Variants in PEX7 observed in about 807,000 individuals in gnomAD.
The protein encoded by PEX7 is PTS2 receptor.
Under a neutral mutation model 47.5 loss-of-function variants are expected in PEX7, and 34 were observed. The observed-to-expected ratio is 0.72, with a 90% CI of 0.54 to 0.95. The LOEUF (loss-of-function observed/expected upper bound fraction) is 0.95. Among genes scored for constraint, PEX7 ranks in the 40% least tolerant of loss-of-function variants. PEX7 has a pLI of 0.00. For missense variants in PEX7, 394 were observed against 400.3 expected, an observed-to-expected ratio of 0.98 and a Z score of 0.13; for synonymous variants, 141 against 148.8, an observed-to-expected ratio of 0.95 and a Z score of 0.38.
chr6:136,826,240 C>T, intron 2 of PEX7, 79 bp from the exon 3 acceptor site: 1 of 1,482,066 alleles, frequency 6.7e-7, no homozygotes, highest in Non-Finnish European at 9.4e-7. Context: ...GAAAAAAAAC[C>T]ATAATTGTTA....
intron 9 of PEX7, among the ~76,000 whole-genome samples, chr6:136,907,749 T>G (rs536359452): frequency 1.4e-4 from 22 of 152,278 alleles, no homozygotes; most frequent in Admixed American, 2.6e-4. Context: ...ATAAGTTACC[T>G]TATCAGTTGC....
intron 3 of PEX7, 95 bp from the exon 4 acceptor site, chr6:136,845,520 A>C: frequency 1.3e-6 from 1 of 772,748 alleles, no homozygotes; most frequent in Non-Finnish European, 2.4e-6. Context: ...ATAGTAAATT[A>C]GTTGTTCTGC....
At chr6:136,835,381 C>T (rs576513360) in intron 3 of PEX7, among the ~76,000 whole-genome samples, 1 of 151,972 alleles carries the variant, frequency 6.6e-6, no homozygotes, top group South Asian at 2.1e-4. Flanking sequence ...TTCCACCTCC[C>T]GGGTTCAAGC....
At chr6:136,882,642 C>T (rs1040514063) in intron 8 of PEX7, among the ~76,000 whole-genome samples, 2 of 152,112 alleles carry the variant, frequency 1.3e-5, no homozygotes, top group Admixed American at 1.3e-4. Flanking sequence ...TGTACCTCTT[C>T]ATTCCTCCTG....
chr6:136,869,839 C>A, intron 6 of PEX7, 51 bp from the exon 7 acceptor site: 1 of 1,326,416 alleles, frequency 7.5e-7, no homozygotes, highest in Middle Eastern at 1.8e-4. Flanking sequence ...AGCCTGCATA[C>A]TGTTTAATTG....
At chr6:136,869,533 G>A (rs1208383550) in intron 6 of PEX7, among the ~76,000 whole-genome samples, 1 of 152,132 alleles carries the variant, frequency 6.6e-6, no homozygotes, top group African/African-American at 2.4e-5. Flanking sequence ...CTTTTGAAGA[G>A]AAAGCTGGGC....
At chr6:136,899,976 C>T (rs906034422) in intron 9 of PEX7, among the ~76,000 whole-genome samples, 2 of 152,156 alleles carry the variant, frequency 1.3e-5, no homozygotes, top group Non-Finnish European at 2.9e-5. Flanking sequence ...TATGGCACCC[C>T]AAACAAAGGA....
At chr6:136,872,297 C>T (rs753658216) in intron 8 of PEX7, 44 bp downstream of exon 8, 3 of 1,481,012 alleles carry the variant, frequency 2.0e-6, no homozygotes, top group African/African-American at 2.8e-5. Context: ...TACCAGGTAA[C>T]ATTTGCATCT....
At chr6:136,856,639 T>C (rs1774867201) in intron 5 of PEX7, among the ~76,000 whole-genome samples, 1 of 152,226 alleles carries the variant, frequency 6.6e-6, no homozygotes, top group Admixed American at 6.5e-5. Context: ...GTGAGGGGGA[T>C]ACAATATTTT....
chr6:136,903,762 C>T (rs74785212), intron 9 of PEX7, among the ~76,000 whole-genome samples: 11 of 151,724 alleles, frequency 7.3e-5, no homozygotes, highest in Middle Eastern at 3.4e-3. Context: ...TGGGTGCAAA[C>T]GATCCTCCCA....
chr6:136,846,108 T>C lies in PEX7; in HGVS notation c.453T>C (p.Phe151=), dbSNP rs1256711018. The C allele has an allele frequency of 6.2e-7, 1 of 1,613,388 alleles. No individual in the cohort carries two copies. The highest frequency in any genetic ancestry group is 1.7e-5 in the Admixed American group (1 of 60,004). The change falls in exon 5 of 10, where the codon TTT becomes TTC. Residue 151 remains phenylalanine, a synonymous_variant. Transcript: ENST00000318471. ...CTGTTGGAAAGTCTCTGTGCACCTTTAGAGGCCATGAAAGTATTATTTATA... is the reference window on the plus strand; with the variant it reads ...CTGTTGGAAAGTCTCTGTGCACCTTCAGAGGCCATGAAAGTATTATTTATA... ...DPTVGKSLCT[F]RGHESIIYST...
At chr6:136,833,696 A>G (rs189489868) in intron 3 of PEX7, among the ~76,000 whole-genome samples, 90 of 152,378 alleles carry the variant, frequency 5.9e-4, no homozygotes, top group South Asian at 1.0e-3. Flanking sequence ...GATTGTACAG[A>G]AAAATAGTTT....
intron 5 of PEX7, among the ~76,000 whole-genome samples, chr6:136,855,024 A>G (rs541438023): frequency 4.2e-4 from 63 of 151,638 alleles, no homozygotes; most frequent in African/African-American, 1.4e-3. Flanking sequence ...GGAAGTGGAG[A>G]TTGCAGTGAG....
intron 8 of PEX7, among the ~76,000 whole-genome samples, chr6:136,884,104 T>C (rs1203799614): frequency 6.6e-6 from 1 of 152,180 alleles, no homozygotes. Flanking sequence ...TTGAAAACCC[T>C]TCACTTTTGA....
At chr6:136,846,598 G>T (rs1460423211) in intron 5 of PEX7, among the ~76,000 whole-genome samples, 1 of 152,148 alleles carries the variant, frequency 6.6e-6, no homozygotes, top group South Asian at 2.1e-4. Flanking sequence ...GCGGTGTTTG[G>T]TTTTCTGTCC....
chr6:136,867,374 A>G (rs1279122405), intron 6 of PEX7, among the ~76,000 whole-genome samples: 3 of 152,132 alleles, frequency 2.0e-5, no homozygotes, highest in Admixed American at 6.5e-5. Context: ...AAAAATTCCT[A>G]TTGCCCCCGA....
chr6:136,908,494 T>C (rs1258997648), intron 9 of PEX7, among the ~76,000 whole-genome samples: 1 of 152,140 alleles, frequency 6.6e-6, no homozygotes, highest in Non-Finnish European at 1.5e-5. Context: ...AAGATTAGCA[T>C]GTTGGTCTTA....
chr6:136,884,563 G>A (rs1775435074), intron 8 of PEX7, among the ~76,000 whole-genome samples: 1 of 151,996 alleles, frequency 6.6e-6, no homozygotes, highest in Admixed American at 6.6e-5. Context: ...TTTATATGGT[G>A]GGTGTTATAT....
chr6:136,843,599 G>A (rs891732229), intron 3 of PEX7, among the ~76,000 whole-genome samples: 4 of 152,126 alleles, frequency 2.6e-5, no homozygotes, highest in Non-Finnish European at 4.4e-5. Context: ...CTTTTTTGAA[G>A]AAACTTACCA....
Sources: allele counts gnomAD v4.1 joint callset (sites outside exome capture counted in the v4.1 genomes callset), GRCh38; gene constraint gnomAD v4.1.1; transcripts MANE v1.5; gene names NCBI Gene and HGNC (gene_info 2026-07-23, HGNC 2026-07-21).